Variants in AKAP6 observed in about 807,000 individuals in gnomAD.
AKAP6 encodes A-kinase anchoring protein 6.
AKAP6 carries 58 observed loss-of-function variants against 188.5 expected under a neutral mutation model. That is an observed-to-expected ratio of 0.31 (90% confidence interval 0.25 to 0.38). AKAP6 has a LOEUF of 0.38. AKAP6 is among the 10% of genes least tolerant of loss of function. The pLI is 1.00. For synonymous variants in AKAP6, 989 were observed against 998.6 expected (o/e 0.99, Z 0.18); for missense variants, 2,710 against 2,740.0 (o/e 0.99, Z 0.24).
In AKAP6 at chr14:32,786,301, T is replaced by G. The variant is rs867369233; in HGVS notation, c.3588+12408T>G. Among the ~76,000 whole-genome samples the G allele has an allele frequency of 1.8e-3, 105 of 58,760 alleles. 27 individuals are homozygous for G. Among genetic ancestry groups the G allele is most frequent in the Non-Finnish European group, 2.1e-3 (64 of 29,972 alleles). 38.5% of individuals were successfully genotyped at this position (58,760 alleles called of 152,430 possible). ...TCTGAAAGACCTAAACCTTTATCTT[T>G]TTTTTTTTTTTTTTTTTTTTTTTTG... is the stretch of plus-strand genomic sequence containing the variant. On this transcript the variant is annotated intron_variant, in intron 12 of 13. Coordinates refer to ENST00000280979, the MANE Select transcript of AKAP6 (RefSeq NM_004274.5).
chr14:32,440,014 G>T (rs61981139), intron 2 of AKAP6, among the ~76,000 whole-genome samples: 3 of 152,034 alleles, frequency 2.0e-5, no homozygotes, highest in African/African-American at 7.3e-5. Context: ...CATTTAGCAG[G>T]TTGTGAAATC....
At chr14:32,679,264 T>C (rs1160251778) in intron 8 of AKAP6, among the ~76,000 whole-genome samples, 1 of 152,118 alleles carries the variant, frequency 6.6e-6, no homozygotes, top group Non-Finnish European at 1.5e-5. Context: ...ATTTAATAGG[T>C]GATTTTAGAG....
At chr14:32,720,029 C>T (rs547040881) in intron 9 of AKAP6, among the ~76,000 whole-genome samples, 32 of 152,262 alleles carry the variant, frequency 2.1e-4, no homozygotes, top group Admixed American at 1.6e-3. Flanking sequence ...TCAGCATTTT[C>T]ATTATAAATA....
chr14:32,505,328 G>A lies in AKAP6; in HGVS notation c.325-30226G>A, dbSNP rs921385203. Among the ~76,000 whole-genome samples the A allele has an allele frequency of 2.0e-5, 3 of 151,364 alleles. No individual in the cohort carries two copies. The Admixed American group carries it at 2.0e-4, about 10-fold the overall frequency. On this transcript the variant is annotated intron_variant, in intron 2 of 13. Transcript: ENST00000280979. ...AGGCAAGTTCCTTTTCACATATCTC[G>A]TATCTGCCTTGAATCAGTGAGTTGG...
chr14:32,813,250 G>A (rs1164139042), intron 12 of AKAP6, among the ~76,000 whole-genome samples: 1 of 152,120 alleles, frequency 6.6e-6, no homozygotes, highest in Non-Finnish European at 1.5e-5. Context: ...AAAGAAATGT[G>A]CAGGGTAAGG....
intron 7 of AKAP6, among the ~76,000 whole-genome samples, chr14:32,632,647 G>A (rs1887324782): frequency 6.6e-6 from 1 of 152,010 alleles, no homozygotes; most frequent in Non-Finnish European, 1.5e-5. Flanking sequence ...TCAAAAATCT[G>A]GGCTTTGGAC....
At chr14:32,634,312 C>T (rs1665566802) in intron 7 of AKAP6, among the ~76,000 whole-genome samples, 1 of 152,050 alleles carries the variant, frequency 6.6e-6, no homozygotes, top group Non-Finnish European at 1.5e-5. Context: ...TGGTACCTGT[C>T]TCATAGTAAA....
chr14:32,610,426 T>C (rs1036857294), intron 7 of AKAP6, among the ~76,000 whole-genome samples: 1 of 152,204 alleles, frequency 6.6e-6, no homozygotes, highest in African/African-American at 2.4e-5. Flanking sequence ...CTTTTATTCA[T>C]CCTTAGAATA....
At position 32,624,837 on chromosome 14, in the gene AKAP6, T is replaced by C. The variant is rs140527301; in HGVS notation, c.2730+24045T>C. On this transcript the variant is annotated intron_variant, in intron 7 of 13. Coordinates refer to ENST00000280979, the MANE Select transcript of AKAP6 (RefSeq NM_004274.5). ...ACAAACAAGCTTAAAATTTATTTTA[T>C]ATTCTGTAGTCCTAATAATTTTTTT... Among the ~76,000 whole-genome samples, 700 of 152,254 alleles carry C rather than the reference T, an allele frequency of 4.6e-3. 3 individuals carry two copies. Among genetic ancestry groups the C allele is most frequent in the African/African-American group, 0.014 (586 of 41,558 alleles).
At chr14:32,556,243 T>C (rs1444010028) in intron 4 of AKAP6, among the ~76,000 whole-genome samples, 1 of 152,228 alleles carries the variant, frequency 6.6e-6, no homozygotes, top group Non-Finnish European at 1.5e-5. Context: ...TTGTTGGCTA[T>C]TTGTATATCA....
chr14:32,698,682 G>A (rs1890506244), intron 9 of AKAP6, among the ~76,000 whole-genome samples: 2 of 151,896 alleles, frequency 1.3e-5, no homozygotes, highest in Non-Finnish European at 2.9e-5. Context: ...TACCATCTTT[G>A]TTTCTTAAAA....
At chr14:32,733,660 C>A (rs1022736504) in intron 10 of AKAP6, 1 of 152,140 alleles carries the variant, frequency 6.6e-6, no homozygotes, top group African/African-American at 2.4e-5. Flanking sequence ...TCACTACACT[C>A]TGCAGTTGTG....
At chr14:32,712,970 T>C (rs1294785874) in intron 9 of AKAP6, among the ~76,000 whole-genome samples, 6 of 133,616 alleles carry the variant, frequency 4.5e-5, no homozygotes, top group Non-Finnish European at 8.5e-5. Flanking sequence ...GAGGAATCAC[T>C]ATCTATGGCA....
At chr14:32,445,852 T>C (rs1184366876) in intron 2 of AKAP6, among the ~76,000 whole-genome samples, 1 of 152,250 alleles carries the variant, frequency 6.6e-6, no homozygotes, top group Admixed American at 6.5e-5. Context: ...TTGTTTCCTT[T>C]ATTTTGTTGA....
At chr14:32,764,155 C>T (rs2032630725) in intron 11 of AKAP6, among the ~76,000 whole-genome samples, 1 of 152,180 alleles carries the variant, frequency 6.6e-6, no homozygotes, top group Non-Finnish European at 1.5e-5. Context: ...AAAGAGATTA[C>T]TCCCACTGTC....
rs770473785 is a variant in AKAP6, at chr14:32,835,014, A to G, written c.*5209A>G. The G allele has an allele frequency of 6.6e-6, 1 of 152,360 alleles. No homozygotes were observed. The highest frequency in any genetic ancestry group is 1.9e-4 in the East Asian group (1 of 5,190). 9.4% of individuals were successfully genotyped at this position (152,360 alleles called of 1,614,324 possible). A position where few individuals can be genotyped will look rare whatever the true frequency, so the allele number is the denominator to read the frequency against. On this transcript the variant is annotated 3_prime_UTR_variant, in exon 14 of 14. Coordinates refer to ENST00000280979, the MANE Select transcript of AKAP6 (RefSeq NM_004274.5). ...ATATGAAATTTAAATTTTGGTGTCC[A>G]TGTATAAAGTTTTATTAGAACACAT...
chr14:32,571,035 A>T (rs1189375717), intron 4 of AKAP6, among the ~76,000 whole-genome samples: 1 of 152,146 alleles, frequency 6.6e-6, no homozygotes, highest in Non-Finnish European at 1.5e-5. Flanking sequence ...CATCTGTAAA[A>T]TGGGGATAAC....
intron 7 of AKAP6, among the ~76,000 whole-genome samples, chr14:32,638,962 T>C (rs1430138497): frequency 1.3e-5 from 2 of 152,066 alleles, no homozygotes; most frequent in Non-Finnish European, 2.9e-5. Context: ...TATGAATTAG[T>C]GTGTTTTAGT....
intron 2 of AKAP6, among the ~76,000 whole-genome samples, chr14:32,446,053 T>C (rs1322868507): frequency 6.6e-6 from 1 of 152,170 alleles, no homozygotes; most frequent in Admixed American, 6.5e-5. Context: ...TTATATATAA[T>C]GCATCAAAGA....
Sources: allele counts gnomAD v4.1 joint callset (sites outside exome capture counted in the v4.1 genomes callset), GRCh38; gene constraint gnomAD v4.1.1; transcripts MANE v1.5; gene names NCBI Gene and HGNC (gene_info 2026-07-23, HGNC 2026-07-21).